ADARB2: variants seen among roughly 807,000 people sequenced by gnomAD.
The protein encoded by ADARB2 is adenosine deaminase RNA specific B2 (inactive).
ADARB2 carries 25 observed loss-of-function variants against 62.2 expected under a neutral mutation model. The ratio of observed to expected loss-of-function variants is 0.40; its 90% CI spans 0.29 to 0.56. ADARB2 has a LOEUF of 0.56. Ranked by LOEUF, ADARB2 falls within the 20% of genes least tolerant of loss-of-function variation. The pLI is 0.43. For synonymous variants in ADARB2, 572 were observed against 500.8 expected (o/e 1.14, Z -1.90); for missense variants, 1,071 against 1,077.4 (o/e 0.99, Z 0.08).
intron 1 of ADARB2, among the ~76,000 whole-genome samples, chr10:1,445,215 A>T (rs1162470504): frequency 1.4e-5 from 2 of 141,434 alleles, no homozygotes; most frequent in Non-Finnish European, 3.1e-5. Flanking sequence ...CCATCCACAC[A>T]CCCATCCATT....
chr10:1,680,875 T>C (rs1041814324), intron 1 of ADARB2, among the ~76,000 whole-genome samples: 5 of 152,182 alleles, frequency 3.3e-5, no homozygotes, highest in African/African-American at 1.2e-4. Flanking sequence ...TTTTATAGTC[T>C]ACGAAGGCTG....
rs538385978 is a variant in ADARB2, at chr10:1,445,278, C to T, written c.101-66118G>A. Among the ~76,000 whole-genome samples the T allele has an allele frequency of 9.9e-5, 15 of 152,020 alleles. No individual in the cohort carries two copies. The South Asian group carries it at 2.9e-3, about 30-fold the overall frequency. ...TTCTTCCATCCATCCATCCATCCAC[C>T]CACCCACCCATCTATTCATTCACCA... On this transcript the variant is annotated intron_variant, in intron 1 of 9. Coordinates refer to ENST00000381312, the MANE Select transcript of ADARB2 (RefSeq NM_018702.4).
chr10:1,206,534 T>C (rs905300015), intron 7 of ADARB2, among the ~76,000 whole-genome samples: 1 of 152,128 alleles, frequency 6.6e-6, no homozygotes, highest in Non-Finnish European at 1.5e-5. Flanking sequence ...CGGGGTCTCC[T>C]CCTCGTGCCT....
chr10:1,412,666 C>A (rs1462878915), intron 1 of ADARB2, among the ~76,000 whole-genome samples: 1 of 152,070 alleles, frequency 6.6e-6, no homozygotes, highest in Non-Finnish European at 1.5e-5. Context: ...GGGTAATGGA[C>A]CACGTAATGA....
intron 1 of ADARB2, among the ~76,000 whole-genome samples, chr10:1,597,683 T>C (rs1387467216): frequency 2.0e-5 from 3 of 152,186 alleles, no homozygotes; most frequent in African/African-American, 7.2e-5. Flanking sequence ...AGAATGTAAA[T>C]TAGTATAGCT....
At chr10:1,534,028 GGGGA>G (rs1014178641) in intron 1 of ADARB2, among the ~76,000 whole-genome samples, 64 of 150,822 alleles carry the variant, frequency 4.2e-4, no homozygotes, top group African/African-American at 1.5e-3. Context: ...GACTTTGATG[GGGGA>G]GGGAGGGAGG....
intron 1 of ADARB2, among the ~76,000 whole-genome samples, chr10:1,613,011 C>T (rs1490864067): frequency 6.6e-6 from 1 of 152,208 alleles, no homozygotes; most frequent in Middle Eastern, 3.2e-3. Context: ...CTTCCGTTTA[C>T]TTCTAGAGTT....
At chr10:1,658,130 G>GTC (rs372861271) in intron 1 of ADARB2, among the ~76,000 whole-genome samples, 2 of 147,918 alleles carry the variant, frequency 1.4e-5, no homozygotes, top group African/African-American at 5.1e-5. Flanking sequence ...GTCTGATGCT[G>GTC]TCTCTCTCTC....
chr10:1,353,429 G>A (rs1832163723), intron 3 of ADARB2, among the ~76,000 whole-genome samples: 1 of 151,638 alleles, frequency 6.6e-6, no homozygotes, highest in African/African-American at 2.4e-5. Context: ...AACATCTCTT[G>A]TCTCCCTACA....
At chr10:1,378,005 C>T (rs1832449584) in intron 2 of ADARB2, among the ~76,000 whole-genome samples, 1 of 152,334 alleles carries the variant, frequency 6.6e-6, no homozygotes, top group South Asian at 2.1e-4. Flanking sequence ...ACCTCGCCTC[C>T]TCCCCATCCC....
chr10:1,226,314 T>G (rs1194874300), intron 6 of ADARB2, among the ~76,000 whole-genome samples: 3 of 152,092 alleles, frequency 2.0e-5, no homozygotes, highest in African/African-American at 7.2e-5. Flanking sequence ...ATTCATCTAA[T>G]TTTTTTTCAA....
At chr10:1,660,884 A>C (rs201580381) in intron 1 of ADARB2, among the ~76,000 whole-genome samples, 1 of 152,292 alleles carries the variant, frequency 6.6e-6, no homozygotes, top group South Asian at 2.1e-4. Context: ...TTGATTAAAA[A>C]CCACCTAAAT....
At chr10:1,503,228 G>GTTT (rs1040883247) in intron 1 of ADARB2, among the ~76,000 whole-genome samples, 6 of 152,032 alleles carry the variant, frequency 3.9e-5, no homozygotes, top group Non-Finnish European at 1.5e-5. Context: ...TGTTGTTGTT[G>GTTT]TTCAGTCTGT....
chr10:1,561,254 G>A (rs1288843725), intron 1 of ADARB2, among the ~76,000 whole-genome samples: 1 of 152,214 alleles, frequency 6.6e-6, no homozygotes, highest in Non-Finnish European at 1.5e-5. Flanking sequence ...CCAGCTCTGA[G>A]TGTGTAATTG....
chr10:1,431,354 A>G (rs1830776408), intron 1 of ADARB2, among the ~76,000 whole-genome samples: 1 of 152,206 alleles, frequency 6.6e-6, no homozygotes. Context: ...CAGAGAAAAA[A>G]TCTCAAAGGT....
Position 1,240,693 on chromosome 10 carries a change from G to A in ADARB2, c.1361+1438C>T, listed in dbSNP as rs549677167. 8.5e-4 allele frequency among the ~76,000 whole-genome samples: 130 copies of A among 152,256 alleles called. 1 individual carries two copies. Among genetic ancestry groups the A allele is most frequent in the East Asian group, 3.9e-4 (2 of 5,180 alleles). On this transcript the variant is annotated intron_variant, in intron 5 of 9. Coordinates refer to ENST00000381312, the MANE Select transcript of ADARB2 (RefSeq NM_018702.4). The stretch of plus-strand genomic sequence containing the variant: ...TGCTGGTTCCCCATGCAGGGCAGGC[G>A]TCGGGTGCACCTGTCTGTGGACCCC...
intron 1 of ADARB2, among the ~76,000 whole-genome samples, chr10:1,654,679 C>T (rs748283920): frequency 4.6e-5 from 7 of 152,238 alleles, no homozygotes; most frequent in Admixed American, 2.6e-4. Context: ...CAGCATGGAC[C>T]GATCCCGAAG....
At chr10:1,185,627 T>A (rs551221892) in intron 8 of ADARB2, among the ~76,000 whole-genome samples, 53 of 152,334 alleles carry the variant, frequency 3.5e-4, no homozygotes, top group African/African-American at 1.2e-3. Flanking sequence ...ATATGGGGCC[T>A]TTTGTTCGAA....
At chr10:1,299,539 T>C (rs900563305) in intron 3 of ADARB2, among the ~76,000 whole-genome samples, 2 of 152,094 alleles carry the variant, frequency 1.3e-5, no homozygotes, top group Non-Finnish European at 2.9e-5. Flanking sequence ...ATGAGAACTC[T>C]GCCCTGGCTG....
Sources: allele counts gnomAD v4.1 joint callset (sites outside exome capture counted in the v4.1 genomes callset), GRCh38; gene constraint gnomAD v4.1.1; transcripts MANE v1.5; gene names NCBI Gene and HGNC (gene_info 2026-07-23, HGNC 2026-07-21).